The following ATP8A2 variants were observed in gnomAD, a reference collection of about 807,000 sequenced individuals.
The protein encoded by ATP8A2 is ATPase phospholipid transporting 8A2.
Under a neutral mutation model 165.6 loss-of-function variants are expected in ATP8A2, and 100 were observed. That is an observed-to-expected ratio of 0.60 (90% confidence interval 0.51 to 0.71). The LOEUF (loss-of-function observed/expected upper bound fraction) is 0.71, where lower values mean the gene tolerates loss of function less well. ATP8A2 is among the 30% of genes least tolerant of loss of function. The pLI is 0.00. For missense variants in ATP8A2, 1,227 were observed against 1,479.5 expected (o/e 0.83, Z 2.80); for synonymous variants, 543 against 548.8 (o/e 0.99, Z 0.15).
intron 30 of ATP8A2, among the ~76,000 whole-genome samples, chr13:25,853,669 C>A (rs1952076914): frequency 6.6e-6 from 1 of 151,990 alleles, no homozygotes; most frequent in Non-Finnish European, 1.5e-5. Flanking sequence ...TCTCTAGGGC[C>A]CCTTAGGGCT....
chr13:25,500,285 A>G (rs1308974451), intron 2 of ATP8A2, among the ~76,000 whole-genome samples: 1 of 152,200 alleles, frequency 6.6e-6, no homozygotes, highest in Non-Finnish European at 1.5e-5. Flanking sequence ...AGAGAATTCA[A>G]GGGAACTCAA....
chr13:25,410,507 G>A (rs1295626229), intron 1 of ATP8A2, among the ~76,000 whole-genome samples: 1 of 152,122 alleles, frequency 6.6e-6, no homozygotes, highest in Non-Finnish European at 1.5e-5. Flanking sequence ...CACTGTGCAT[G>A]GTGCATGTCA....
chr13:25,923,421 G>A (rs1245091143), intron 33 of ATP8A2, among the ~76,000 whole-genome samples: 2 of 152,220 alleles, frequency 1.3e-5, no homozygotes, highest in Non-Finnish European at 2.9e-5. Context: ...CTAAGAGCCT[G>A]AAACGCACAG....
intron 1 of ATP8A2, among the ~76,000 whole-genome samples, chr13:25,397,338 C>A (rs1173594288): frequency 6.6e-6 from 1 of 152,188 alleles, no homozygotes; most frequent in East Asian, 1.9e-4. Context: ...TGATATTTTT[C>A]TGTCAAGTCA....
intron 25 of ATP8A2, among the ~76,000 whole-genome samples, chr13:25,734,981 G>A (rs2043736063): frequency 6.6e-6 from 1 of 152,098 alleles, no homozygotes; most frequent in Admixed American, 6.5e-5. Context: ...GCACAATGGT[G>A]GCAGAAAGGA....
At chr13:25,458,355 T>C (rs2035417236) in intron 1 of ATP8A2, among the ~76,000 whole-genome samples, 1 of 152,240 alleles carries the variant, frequency 6.6e-6, no homozygotes, top group Admixed American at 6.5e-5. Flanking sequence ...TCTCAACATT[T>C]TCCACATTAA....
At chr13:25,394,477 C>T (rs1237307178) in intron 1 of ATP8A2, among the ~76,000 whole-genome samples, 1 of 152,162 alleles carries the variant, frequency 6.6e-6, no homozygotes, top group Non-Finnish European at 1.5e-5. Flanking sequence ...TAGGATGTGG[C>T]AGGCTGAATC....
intron 1 of ATP8A2, among the ~76,000 whole-genome samples, chr13:25,394,121 C>A (rs1270013359): frequency 2.6e-5 from 4 of 152,300 alleles, no homozygotes; most frequent in African/African-American, 9.6e-5. Context: ...GTAAGTGCAT[C>A]TTTAAAGCAG....
At chr13:25,698,132 C>G (rs528318775) in intron 24 of ATP8A2, among the ~76,000 whole-genome samples, 51 of 152,196 alleles carry the variant, frequency 3.4e-4, no homozygotes, top group African/African-American at 1.1e-3. Flanking sequence ...TTAACTTAAA[C>G]CATATTTTTT....
chr13:25,860,110 TA>T, intron 30 of ATP8A2, 84 bp from the exon 31 acceptor site: 1 of 812,016 alleles, frequency 1.2e-6, no homozygotes, highest in Non-Finnish European at 2.1e-6. Flanking sequence ...TTGATGTTCC[TA>T]AAGTTCCCTG....
intron 35 of ATP8A2, among the ~76,000 whole-genome samples, chr13:25,976,853 A>T (rs2139238173): frequency 6.6e-6 from 1 of 152,082 alleles, no homozygotes; most frequent in Non-Finnish European, 1.5e-5. Flanking sequence ...CAGTGGTGCG[A>T]CCTCAGCTCG....
intron 1 of ATP8A2, among the ~76,000 whole-genome samples, chr13:25,421,523 C>T (rs1306005902): frequency 6.6e-6 from 1 of 152,178 alleles, no homozygotes; most frequent in East Asian, 1.9e-4. Flanking sequence ...TTTGTAGAGA[C>T]AGGGTCTCAT....
chr13:25,406,881 T>A (rs1427648323), intron 1 of ATP8A2, among the ~76,000 whole-genome samples: 1 of 152,220 alleles, frequency 6.6e-6, no homozygotes, highest in Non-Finnish European at 1.5e-5. Context: ...GTGGGCCACT[T>A]TCTTAGGCTG....
chr13:25,657,595 C>A (rs2041961534), intron 24 of ATP8A2, among the ~76,000 whole-genome samples: 1 of 152,180 alleles, frequency 6.6e-6, no homozygotes, highest in African/African-American at 2.4e-5. Context: ...CCAAATAAAT[C>A]TTGGATTAGA....
intron 1 of ATP8A2, among the ~76,000 whole-genome samples, chr13:25,377,395 A>C (rs2032671151): frequency 6.6e-6 from 1 of 152,220 alleles, no homozygotes; most frequent in African/African-American, 2.4e-5. Flanking sequence ...GCAAACACAG[A>C]AACAGGACCT....
chr13:25,377,469 G>A (rs1049570034), intron 1 of ATP8A2, among the ~76,000 whole-genome samples: 9 of 152,186 alleles, frequency 5.9e-5, no homozygotes, highest in African/African-American at 2.2e-4. Flanking sequence ...TCACACCCCA[G>A]TGGCTGCCTG....
chr13:25,683,165 T>A (rs973309966), intron 24 of ATP8A2, among the ~76,000 whole-genome samples: 4 of 141,988 alleles, frequency 2.8e-5, no homozygotes, highest in East Asian at 1.9e-4. Context: ...GTGTATAGGA[T>A]GAAATAGACC....
chr13:25,441,887 G>T (rs1307833755), intron 1 of ATP8A2, among the ~76,000 whole-genome samples: 4 of 152,072 alleles, frequency 2.6e-5, no homozygotes, highest in African/African-American at 9.7e-5. Flanking sequence ...AAAACTCTGT[G>T]CCCATTTAAC....
intron 32 of ATP8A2, 38 bp downstream of exon 32, chr13:25,860,898 G>T: frequency 7.2e-7 from 1 of 1,395,078 alleles, no homozygotes; most frequent in South Asian, 1.2e-5. Context: ...GTTCAGTATA[G>T]ATATTTTTCA....
Sources: gnomAD v4.1 joint callset for allele counts (sites outside exome capture counted in the v4.1 genomes callset) on GRCh38, gnomAD v4.1.1 for gene constraint, MANE v1.5 for transcripts, NCBI Gene and HGNC (gene_info 2026-07-23, HGNC 2026-07-21) for gene names.